ATF6B: variants seen among roughly 807,000 people sequenced by gnomAD.
The protein encoded by ATF6B is activating transcription factor 6 beta, also known as cyclic AMP-dependent transcription factor ATF-6 beta.
ATF6B carries 50 observed loss-of-function variants against 83.5 expected under a neutral mutation model. The ratio of observed to expected loss-of-function variants is 0.60; its 90% CI spans 0.48 to 0.76. ATF6B has a LOEUF of 0.76. Ranked by LOEUF, ATF6B falls within the 30% of genes least tolerant of loss-of-function variation. ATF6B has a pLI of 0.00. For synonymous variants in ATF6B, 344 were observed against 362.8 expected (o/e 0.95, Z 0.59); for missense variants, 790 against 893.8 (o/e 0.88, Z 1.48).
chr6:32,127,255 C>A, intron 3 of ATF6B, 61 bp from the exon 4 acceptor site: 1 of 1,484,848 alleles, frequency 6.7e-7, no homozygotes, highest in Non-Finnish European at 9.2e-7. Context: ...CCAAAAAGTA[C>A]CCAAGGACAT....
At chr6:32,126,006 T>C in intron 5 of ATF6B, 111 bp downstream of exon 5, 1 of 1,468,988 alleles carries the variant, frequency 6.8e-7, no homozygotes, top group South Asian at 1.4e-5. Flanking sequence ...CCCCACCTTT[T>C]TCTCCCTGTC....
At chr6:32,128,037 T>G (rs1470109965) in intron 1 of ATF6B, 80 bp downstream of exon 1, 4 of 1,549,288 alleles carry the variant, frequency 2.6e-6, no homozygotes, top group Non-Finnish European at 8.8e-7. Context: ...TTGCCCAGAC[T>G]TCCTCTTTAG....
chr6:32,124,543 C>T (rs1381197338), intron 5 of ATF6B, among the ~76,000 whole-genome samples: 1 of 152,198 alleles, frequency 6.6e-6, no homozygotes, highest in Non-Finnish European at 1.5e-5. Context: ...AATCATATTA[C>T]TTCCCTGCTT....
chr6:32,119,641 T>A lies in ATF6B; in HGVS notation c.966+183A>T, dbSNP rs952638639. On this transcript the variant is annotated intron_variant, in intron 9 of 17. Coordinates refer to ENST00000375203, the MANE Select transcript of ATF6B (RefSeq NM_004381.5). This position sits in a 1 kb window ranked among gnomAD's most constrained non-coding sequence, Gnocchi z 4.9. ...AAACCTAAAGGACCCTAAAACTACC[T>A]GGAGTTGATATTCATATAGAAACAG... Among the ~76,000 whole-genome samples, 14 of 152,106 alleles carry A rather than the reference T, an allele frequency of 9.2e-5. 1 individual carries two copies. The highest frequency in any genetic ancestry group is 2.9e-5 in the Non-Finnish European group (2 of 68,014).
At chr6:32,123,227 C>CAAA (rs9279489) in intron 5 of ATF6B, among the ~76,000 whole-genome samples, 1 of 58,928 alleles carries the variant, frequency 1.7e-5, no homozygotes, top group Non-Finnish European at 2.9e-5. Flanking sequence ...AACTCTGTCT[C>CAAA]AAAAAAAAAA....
chr6:32,127,879 A>G (rs1782053976), intron 1 of ATF6B, 129 bp from the exon 2 acceptor site: 2 of 1,125,204 alleles, frequency 1.8e-6, no homozygotes, highest in Non-Finnish European at 2.6e-6. Context: ...GAAAAGTGAT[A>G]CAACCAGGGC....
Position 32,122,912 on chromosome 6 carries a change from A to T in ATF6B, c.479-1564T>A, listed in dbSNP as rs547729328. 4.1e-5 allele frequency among the ~76,000 whole-genome samples: 6 copies of T among 147,736 alleles called. No homozygotes were observed. The South Asian group carries it at 1.1e-3, about 27-fold the overall frequency. ...TCACTCAGATTCCCTACACAGAGATAACCACTATCAGAACTATTTAACCAT... is the reference window on the plus strand; with the variant it reads ...TCACTCAGATTCCCTACACAGAGATTACCACTATCAGAACTATTTAACCAT... On this transcript the variant is annotated intron_variant, in intron 5 of 17. Coordinates refer to ENST00000375203, the MANE Select transcript of ATF6B (RefSeq NM_004381.5).
Position 32,116,845 on chromosome 6 carries a change from G to C in ATF6B, c.1686-30C>G, listed in dbSNP as rs1781548829. The C allele has an allele frequency of 1.1e-5, 18 of 1,607,218 alleles. No individual in the cohort carries two copies. Among genetic ancestry groups the C allele is most frequent in the Non-Finnish European group, 1.5e-5 (18 of 1,174,084 alleles). On this transcript the variant is annotated intron_variant, in intron 15 of 17. Transcript: ENST00000375203. This position sits in a 1 kb window ranked among gnomAD's most constrained non-coding sequence, Gnocchi z 5.1. ...GCAGGTGGGGAAACAGGATTTGAGG[G>C]GAACTAAGCCCAATGCTCAGTTTCT...
Position 32,115,858 on chromosome 6 carries a change from AG to A in ATF6B, c.1992del (p.Ser665ArgfsTer46), listed in dbSNP as rs1562900790. 1.9e-6 allele frequency: 3 copies of A among 1,614,080 alleles called. No individual in the cohort carries two copies. Among genetic ancestry groups the A allele is most frequent in the Admixed American group, 3.3e-5 (2 of 60,022 alleles). ...VIHIKTSTVP[P>X]SLRKQPSPTP... Reference sequence around the variant, plus strand: ...GTTGGGGATGGCTGTTTTCGGAGCGAGGGGGGCACTGTGGAGGTCTTGATGT... The same window carrying A: ...GTTGGGGATGGCTGTTTTCGGAGCGAGGGGGCACTGTGGAGGTCTTGATGT... On this transcript the variant is annotated frameshift_variant, in exon 18 of 18. Transcript: ENST00000375203. LOFTEE classifies it high-confidence loss of function.
rs1040394406 is a variant in ATF6B at position 32,115,885 on chromosome 6, G to C, written c.1966C>G (p.His656Asp). The C allele has an allele frequency of 6.2e-7, 1 of 1,614,058 alleles. No homozygotes were observed. The highest frequency in any genetic ancestry group is 1.7e-5 in the Admixed American group (1 of 60,004). Residue 656 changes from histidine (H) to aspartate (D), a missense_variant, in exon 18 of 18, where the codon CAC becomes GAC. His to Asp is a moderately conservative substitution (Grantham distance 81). Around this residue, in one of 3 missense-constraint regions of ATF6B, gnomAD observed 530 missense variants for 632.6 expected, o/e 0.84. Coordinates refer to ENST00000375203, the MANE Select transcript of ATF6B (RefSeq NM_004381.5). ...GGGGGCACTGTGGAGGTCTTGATGT[G>C]AATCACCCTGGTGTCCATGACCTCA... ...ECEVMDTRVI[H>D]IKTSTVPPSL...
intron 5 of ATF6B, among the ~76,000 whole-genome samples, chr6:32,122,570 G>A (rs979239304): frequency 3.9e-5 from 6 of 151,948 alleles, no homozygotes; most frequent in African/African-American, 4.8e-5. Flanking sequence ...AAATCTTGGC[G>A]GGGCACGGTG....
chr6:32,117,229 A>G lies in ATF6B; in HGVS notation c.1614+94T>C. On this transcript the variant is annotated intron_variant, in intron 14 of 17. Transcript: ENST00000375203. This position sits in a 1 kb window ranked among gnomAD's most constrained non-coding sequence, Gnocchi z 5.0. Reference sequence around the variant, plus strand: ...TCCACTTCCTTCAAACGATCCCTCAAACTTCCACAGCGAGATGCCCACTAG... The same window carrying G: ...TCCACTTCCTTCAAACGATCCCTCAGACTTCCACAGCGAGATGCCCACTAG... The G allele has an allele frequency of 1.9e-6, 3 of 1,544,892 alleles. No individual in the cohort carries two copies. In the South Asian group the frequency reaches 3.5e-5, roughly 18 times the overall value.
In ATF6B at chr6:32,116,567, G is replaced by A. The variant is rs1446650012; in HGVS notation, c.1798-3C>T. On this transcript the variant is annotated splice_region_variant and splice_polypyrimidine_tract_variant and intron_variant, in intron 16 of 17. Coordinates refer to ENST00000375203, the MANE Select transcript of ATF6B (RefSeq NM_004381.5). The surrounding 1 kb of genome is among the most constrained non-coding windows in gnomAD (Gnocchi z 5.1). ...ATGGCTGGGAGCAGCAGGTGGTCCTGGGGAACAGATGGGCCAGGCCAGAAG... is the reference window on the plus strand; with the variant it reads ...ATGGCTGGGAGCAGCAGGTGGTCCTAGGGAACAGATGGGCCAGGCCAGAAG... 5 of 1,597,718 alleles carry A rather than the reference G, an allele frequency of 3.1e-6. No homozygotes were observed. The East Asian group carries it at 1.1e-4, about 36-fold the overall frequency.
rs755659718 is a variant in ATF6B at position 32,127,532 on chromosome 6, A to C, written c.172-12T>G. On this transcript the variant is annotated splice_polypyrimidine_tract_variant and intron_variant, in intron 2 of 17. Transcript: ENST00000375203. ...GAGCTGCCGTCAAACTAAATAAGGG[A>C]GGATACAAGAGGGCAGGAGTGTGAG... 2 of 1,611,988 alleles carry C rather than the reference A, an allele frequency of 1.2e-6. No homozygotes were observed. The highest frequency in any genetic ancestry group is 2.2e-5 in the South Asian group (2 of 90,932).
chr6:32,121,531 C>T (rs573257599), intron 5 of ATF6B, among the ~76,000 whole-genome samples, 183 bp from the exon 6 acceptor site: 2 of 152,094 alleles, frequency 1.3e-5, no homozygotes, highest in African/African-American at 2.4e-5. Context: ...GGAGAAACCC[C>T]GTCTCTACTA....
chr6:32,121,562 C>G (rs556076754), intron 5 of ATF6B, among the ~76,000 whole-genome samples: 17 of 152,198 alleles, frequency 1.1e-4, no homozygotes, highest in South Asian at 2.1e-4. Flanking sequence ...ATTAGTCGGG[C>G]ATGGTGGCGC....
Position 32,126,225 on chromosome 6 carries a change from C to T in ATF6B, c.370G>A (p.Val124Met), listed in dbSNP as rs748729413. The change falls in exon 5 of 18, where the codon GTG (valine) becomes ATG (methionine). Residue 124 changes from valine (V) to methionine (M), a missense_variant. By Grantham distance (21) the Val-to-Met change is conservative. This residue lies in a region of ATF6B where 253 missense variants were observed against 243.1 expected (regional missense o/e 1.04). Transcript: ENST00000375203. ...EALGVGEVLH[V>M]KTESLAPPLC... ...GGGGGTGCCAAGGACTCTGTCTTCA[C>T]ATGGAGCACCTCCCCTACCCCAAGA... is the stretch of plus-strand genomic sequence containing the variant. 3 of 1,613,928 alleles carry T rather than the reference C, an allele frequency of 1.9e-6. No homozygotes were observed. Among genetic ancestry groups the T allele is most frequent in the Non-Finnish European group, 2.5e-6 (3 of 1,180,008 alleles).
chr6:32,126,758 G>A (rs1781995579), intron 4 of ATF6B, among the ~76,000 whole-genome samples: 1 of 152,082 alleles, frequency 6.6e-6, no homozygotes, highest in South Asian at 2.1e-4. Context: ...TACTCAGGAG[G>A]CTGAGGCAGG....
chr6:32,126,913 T>C (rs1206770487), intron 4 of ATF6B, among the ~76,000 whole-genome samples, 190 bp downstream of exon 4: 5 of 152,056 alleles, frequency 3.3e-5, no homozygotes, highest in Non-Finnish European at 7.4e-5. Flanking sequence ...CACTGCTAGA[T>C]AACCAAAGGG....
Sources: gnomAD v4.1 joint callset for allele counts (sites outside exome capture counted in the v4.1 genomes callset) on GRCh38, gnomAD v4.1.1 for gene constraint, gnomAD v4.1.1 regional missense constraint, Gnocchi (gnomAD v3.1) non-coding constraint, MANE v1.5 for transcripts, NCBI Gene and HGNC (gene_info 2026-07-23, HGNC 2026-07-21) for gene names.